PARD3B: variants seen among roughly 807,000 people sequenced by gnomAD.
PARD3B encodes the protein par-3 family cell polarity regulator beta, also known as partitioning defective 3 homolog B.
In PARD3B, 103 loss-of-function variants were observed where a neutral mutation model predicts 130.2. That is an observed-to-expected ratio of 0.79 (90% CI 0.67 to 0.93). PARD3B has a LOEUF of 0.93. Ranked by LOEUF, PARD3B falls within the 40% of genes least tolerant of loss-of-function variation. The pLI is 0.00. For missense variants in PARD3B, 1,609 were observed against 1,499.2 expected (o/e 1.07, Z -1.21); for synonymous variants, 583 against 553.2 (o/e 1.05, Z -0.76).
chr2:204,570,851 G>A (rs1054499682), intron 1 of PARD3B, among the ~76,000 whole-genome samples: 2 of 149,312 alleles, frequency 1.3e-5, no homozygotes, highest in African/African-American at 5.0e-5. Flanking sequence ...CAACTGAGGT[G>A]TATAAGCTGT....
intron 4 of PARD3B, among the ~76,000 whole-genome samples, chr2:205,098,287 G>A (rs1222137413): frequency 1.3e-5 from 2 of 152,078 alleles, no homozygotes; most frequent in Admixed American, 1.3e-4. Flanking sequence ...AAATGCACCT[G>A]AGTTTTTAAA....
At chr2:205,508,914 A>G in intron 21 of PARD3B, among the ~76,000 whole-genome samples, 1 of 152,190 alleles carries the variant, frequency 6.6e-6, no homozygotes, top group East Asian at 1.9e-4. Context: ...GCAAGTAGTA[A>G]AACAAAAAGA....
chr2:205,032,298 G>A (rs1178447625), intron 3 of PARD3B, among the ~76,000 whole-genome samples: 2 of 152,006 alleles, frequency 1.3e-5, no homozygotes, highest in Non-Finnish European at 2.9e-5. Context: ...GAAACACCTG[G>A]GTGGTCTTCC....
chr2:205,081,946 G>T (rs963419687), intron 4 of PARD3B, among the ~76,000 whole-genome samples: 8 of 152,090 alleles, frequency 5.3e-5, no homozygotes, highest in Non-Finnish European at 5.9e-5. Flanking sequence ...AAGAGTCTTT[G>T]TAGGACTAGT....
intron 3 of PARD3B, among the ~76,000 whole-genome samples, chr2:205,004,755 G>A (rs1695116074): frequency 6.6e-6 from 1 of 152,170 alleles, no homozygotes; most frequent in Admixed American, 6.5e-5. Context: ...CAACTATTAG[G>A]ATTAAAACCA....
Position 205,142,242 on chromosome 2 carries a change from T to G in PARD3B, c.1435-16480T>G, listed in dbSNP as rs1025718106. Reference sequence around the variant, plus strand: ...AGCAGGGTAAAGAGAGAGCATAAGTTTTAGGTGGAGAGAATCCCATTTAAA... The same window carrying G: ...AGCAGGGTAAAGAGAGAGCATAAGTGTTAGGTGGAGAGAATCCCATTTAAA... On this transcript the variant is annotated intron_variant, in intron 10 of 22. Coordinates refer to ENST00000406610, the MANE Select transcript of PARD3B (RefSeq NM_001302769.2). This position sits in a 1 kb window ranked among gnomAD's most constrained non-coding sequence, Gnocchi z 4.3. 1.2e-4 allele frequency among the ~76,000 whole-genome samples: 18 copies of G among 152,072 alleles called. No homozygotes were observed. The highest frequency in any genetic ancestry group is 4.1e-4 in the African/African-American group (17 of 41,424).
intron 2 of PARD3B, among the ~76,000 whole-genome samples, chr2:204,713,780 A>G (rs1427515219): frequency 6.6e-6 from 1 of 152,070 alleles, no homozygotes; most frequent in African/African-American, 2.4e-5. Flanking sequence ...CTCTCTATAT[A>G]TACACATTTT....
At chr2:205,390,361 A>T (rs955514102) in intron 18 of PARD3B, among the ~76,000 whole-genome samples, 4 of 152,092 alleles carry the variant, frequency 2.6e-5, no homozygotes, top group Non-Finnish European at 4.4e-5. Context: ...AATACATGGA[A>T]CATAAAAGAA....
chr2:204,920,576 T>C (rs1055100909), intron 2 of PARD3B, among the ~76,000 whole-genome samples: 1 of 152,188 alleles, frequency 6.6e-6, no homozygotes, highest in South Asian at 2.1e-4. Flanking sequence ...CACCAAAGAA[T>C]TATTGTATTT....
intron 19 of PARD3B, among the ~76,000 whole-genome samples, chr2:205,427,614 A>G (rs2047187241): frequency 6.6e-6 from 1 of 152,218 alleles, no homozygotes; most frequent in South Asian, 2.1e-4. Flanking sequence ...TTTTAAAGAA[A>G]CAAATATAGT....
chr2:204,689,413 A>C lies in PARD3B; in HGVS notation c.222+3131A>C, dbSNP rs2125250198. On this transcript the variant is annotated intron_variant, in intron 2 of 22. Transcript: ENST00000406610. This position sits in a 1 kb window ranked among gnomAD's most constrained non-coding sequence, Gnocchi z 5.2. The stretch of plus-strand genomic sequence containing the variant: ...CTTTGGAATATTGCATCTTATGATA[A>C]CTATTTGTATAAAATGTTGTGCTGA... Among the ~76,000 whole-genome samples, 1 of 152,312 alleles carries C rather than the reference A, an allele frequency of 6.6e-6. No homozygotes were observed. Among genetic ancestry groups the C allele is most frequent in the East Asian group, 1.9e-4 (1 of 5,180 alleles).
chr2:204,553,280 G>A (rs2030606435), intron 1 of PARD3B, among the ~76,000 whole-genome samples: 1 of 152,134 alleles, frequency 6.6e-6, no homozygotes, highest in East Asian at 1.9e-4. Context: ...TGGATGTGGT[G>A]AACAGTGAAC....
chr2:204,788,945 A>C (rs2042104779), intron 2 of PARD3B, among the ~76,000 whole-genome samples: 1 of 152,208 alleles, frequency 6.6e-6, no homozygotes, highest in South Asian at 2.1e-4. Flanking sequence ...ATTAAAATAT[A>C]GATTTTTAGA....
intron 3 of PARD3B, among the ~76,000 whole-genome samples, chr2:204,993,288 AG>A (rs1203214176): frequency 1.8e-5 from 1 of 54,182 alleles, no homozygotes; most frequent in Non-Finnish European, 3.7e-5. Flanking sequence ...TTTAGCATGA[AG>A]GGTTGTTGAA....
chr2:204,831,927 G>C (rs888826573), intron 2 of PARD3B, among the ~76,000 whole-genome samples: 1 of 152,114 alleles, frequency 6.6e-6, no homozygotes, highest in African/African-American at 2.4e-5. Context: ...AGAATGTTCA[G>C]TTATTTTATT....
At chr2:204,784,777 A>G (rs1452573333) in intron 2 of PARD3B, among the ~76,000 whole-genome samples, 1 of 152,176 alleles carries the variant, frequency 6.6e-6, no homozygotes, top group Non-Finnish European at 1.5e-5. Context: ...TTTTATAACT[A>G]CTTATTTGTT....
At chr2:204,835,282 T>A (rs370030537) in intron 2 of PARD3B, among the ~76,000 whole-genome samples, 7 of 152,336 alleles carry the variant, frequency 4.6e-5, no homozygotes, top group African/African-American at 1.7e-4. Context: ...GCAGAAATTA[T>A]CACAATGCCA....
Position 205,460,513 on chromosome 2 carries a change from G to A in PARD3B, c.3044+19841G>A, listed in dbSNP as rs1265833005. 6.6e-6 allele frequency among the ~76,000 whole-genome samples: 1 copy of A among 151,936 alleles called. No individual in the cohort carries two copies. The highest frequency in any genetic ancestry group is 1.5e-5 in the Non-Finnish European group (1 of 67,988). On this transcript the variant is annotated intron_variant, in intron 20 of 22. Coordinates refer to ENST00000406610, the MANE Select transcript of PARD3B (RefSeq NM_001302769.2). This position sits in a 1 kb window ranked among gnomAD's most constrained non-coding sequence, Gnocchi z 4.9. ...CTTTACATGCAATATGATGTCTCTT[G>A]AGCAACATTTAACTTTCTATTGATT...
At chr2:205,497,320 G>T (rs1413940082) in intron 20 of PARD3B, among the ~76,000 whole-genome samples, 1 of 151,616 alleles carries the variant, frequency 6.6e-6, no homozygotes, top group South Asian at 2.1e-4. Flanking sequence ...AACCCTGTGC[G>T]AACTGTCAGG....
Sources: gnomAD v4.1 joint callset for allele counts (sites outside exome capture counted in the v4.1 genomes callset) on GRCh38, gnomAD v4.1.1 for gene constraint, Gnocchi (gnomAD v3.1) non-coding constraint, MANE v1.5 for transcripts, NCBI Gene and HGNC (gene_info 2026-07-23, HGNC 2026-07-21) for gene names.